The following ATXN1 variants were observed in gnomAD, a reference collection of about 807,000 sequenced individuals.
ATXN1 encodes the protein ataxin-1.
ATXN1 carries 8 observed loss-of-function variants against 56.4 expected under a neutral mutation model. The observed-to-expected ratio is 0.14, with a 90% CI of 0.08 to 0.26. The LOEUF (loss-of-function observed/expected upper bound fraction) is 0.26, where lower values mean the gene tolerates loss of function less well. Among genes scored for constraint, ATXN1 ranks in the 10% least tolerant of loss-of-function variants. The probability of loss-of-function intolerance (pLI) is 1.00; values close to 1 mark genes in which losing one functional copy is unlikely to be tolerated. For synonymous variants in ATXN1, 514 were observed against 494.6 expected (o/e 1.04, Z -0.52); for missense variants, 987 against 1,106.5 (o/e 0.89, Z 1.53).
In ATXN1 at chr6:16,326,321, T is replaced by C. The variant is rs1447655905; in HGVS notation, c.1917+73A>G. ...CCTTAATCCTGCCTCATAGAAGCAA[T>C]TCGTCTTGCCAGGAGATGATGATGG... On this transcript the variant is annotated intron_variant, in intron 7 of 7. Coordinates refer to ENST00000436367, the MANE Select transcript of ATXN1 (RefSeq NM_001128164.2). The surrounding 1 kb of genome is among the most constrained non-coding windows in gnomAD (Gnocchi z 6.6). 10 of 1,578,142 alleles carry C rather than the reference T, an allele frequency of 6.3e-6. No individual in the cohort carries two copies. Among genetic ancestry groups the C allele is most frequent in the Non-Finnish European group, 6.9e-6 (8 of 1,163,144 alleles).
intron 6 of ATXN1, among the ~76,000 whole-genome samples, chr6:16,348,480 T>C (rs1427294115): frequency 6.6e-6 from 1 of 151,934 alleles, no homozygotes; most frequent in Non-Finnish European, 1.5e-5. Flanking sequence ...GGGCAGATCA[T>C]GTGAGATCCA....
intron 5 of ATXN1, among the ~76,000 whole-genome samples, chr6:16,493,252 G>A (rs1413657717): frequency 6.6e-6 from 1 of 152,074 alleles, no homozygotes; most frequent in Admixed American, 6.6e-5. Flanking sequence ...GCCCCAGCAT[G>A]CTTTTCCAAC....
At chr6:16,508,490 C>T (rs1761021290) in intron 5 of ATXN1, among the ~76,000 whole-genome samples, 1 of 152,068 alleles carries the variant, frequency 6.6e-6, no homozygotes, top group South Asian at 2.1e-4. Context: ...TGGTATAATG[C>T]AGGCCCAGAC....
chr6:16,645,472 G>A (rs1934287107), intron 3 of ATXN1, among the ~76,000 whole-genome samples: 1 of 152,190 alleles, frequency 6.6e-6, no homozygotes, highest in African/African-American at 2.4e-5. Flanking sequence ...TAGCAACGTG[G>A]ACTTAAACCA....
At chr6:16,366,649 C>T (rs1430645991) in intron 6 of ATXN1, among the ~76,000 whole-genome samples, 2 of 151,664 alleles carry the variant, frequency 1.3e-5, no homozygotes, top group African/African-American at 2.4e-5. Flanking sequence ...GGCATGATGG[C>T]GGGCACCTGT....
chr6:16,465,820 GT>G (rs1398269854), intron 6 of ATXN1, among the ~76,000 whole-genome samples: 1 of 152,160 alleles, frequency 6.6e-6, no homozygotes, highest in Non-Finnish European at 1.5e-5. Flanking sequence ...TCAAAATGAT[GT>G]ACCAAGAGGT....
intron 6 of ATXN1, among the ~76,000 whole-genome samples, chr6:16,438,351 T>C (rs1370999592): frequency 6.6e-6 from 1 of 152,232 alleles, no homozygotes; most frequent in East Asian, 1.9e-4. Context: ...CTCTGTTGAC[T>C]TTTTAGCAGA....
chr6:16,753,487 G>C, intron 1 of ATXN1, 140 bp from the exon 2 acceptor site: 1 of 398,576 alleles, frequency 2.5e-6, no homozygotes, highest in Non-Finnish European at 5.1e-6. Context: ...TCTGTTGTAT[G>C]AGAATTACAC....
At chr6:16,429,466 G>A (rs1759233484) in intron 6 of ATXN1, among the ~76,000 whole-genome samples, 1 of 138,564 alleles carries the variant, frequency 7.2e-6, no homozygotes, top group South Asian at 2.3e-4. Flanking sequence ...CCTCCAGGCT[G>A]GAGTGCAGTG....
chr6:16,488,592 A>G (rs1760596654), intron 5 of ATXN1, among the ~76,000 whole-genome samples: 1 of 152,148 alleles, frequency 6.6e-6, no homozygotes. Flanking sequence ...ATCTGGCTCA[A>G]CTTAATTCTT....
At chr6:16,746,578 T>G (rs1760543558) in intron 2 of ATXN1, among the ~76,000 whole-genome samples, 1 of 152,210 alleles carries the variant, frequency 6.6e-6, no homozygotes, top group Admixed American at 6.5e-5. Flanking sequence ...AAAGATTCTT[T>G]CCAGTTATAC....
chr6:16,442,292 C>G (rs1463462392), intron 6 of ATXN1, among the ~76,000 whole-genome samples: 2 of 152,120 alleles, frequency 1.3e-5, no homozygotes, highest in Non-Finnish European at 2.9e-5. Context: ...CGCAGAAACC[C>G]TTAGTAATCT....
intron 5 of ATXN1, among the ~76,000 whole-genome samples, chr6:16,488,798 T>C (rs1760600608): frequency 6.6e-6 from 1 of 152,188 alleles, no homozygotes; most frequent in African/African-American, 2.4e-5. Context: ...AAGCTTCTTA[T>C]ACAAACAAAA....
chr6:16,649,370 GT>G (rs1763855524), intron 3 of ATXN1, among the ~76,000 whole-genome samples: 1 of 152,014 alleles, frequency 6.6e-6, no homozygotes, highest in Non-Finnish European at 1.5e-5. Context: ...ATGTTACCCA[GT>G]CTTTTTAAAT....
intron 4 of ATXN1, among the ~76,000 whole-genome samples, chr6:16,524,101 G>A (rs1018418692): frequency 7.2e-5 from 11 of 152,162 alleles, no homozygotes; most frequent in African/African-American, 2.2e-4. Context: ...GGACGTGGAC[G>A]GCATGTGGCC....
intron 3 of ATXN1, among the ~76,000 whole-genome samples, chr6:16,617,784 A>G (rs1033939773): frequency 6.6e-5 from 10 of 151,636 alleles, no homozygotes; most frequent in Middle Eastern, 3.4e-3. Flanking sequence ...AAAAAAAAAG[A>G]AATATACTCA....
At chr6:16,581,765 A>C (rs1388824853) in intron 4 of ATXN1, among the ~76,000 whole-genome samples, 1 of 152,202 alleles carries the variant, frequency 6.6e-6, no homozygotes, top group African/African-American at 2.4e-5. Flanking sequence ...GTAAAGTAAG[A>C]AAAAGGATAT....
At chr6:16,433,816 C>T (rs9464905) in intron 6 of ATXN1, among the ~76,000 whole-genome samples, 26 of 152,220 alleles carry the variant, frequency 1.7e-4, no homozygotes, top group African/African-American at 5.8e-4. Flanking sequence ...AGCAGCTCCG[C>T]CCAGGAGTTC....
Position 16,327,502 on chromosome 6 carries a change from A to G in ATXN1, c.809T>C (p.Leu270Pro). 1 of 1,611,108 alleles carries G rather than the reference A, an allele frequency of 6.2e-7. No individual in the cohort carries two copies. Among genetic ancestry groups the G allele is most frequent in the Non-Finnish European group, 8.5e-7 (1 of 1,179,390 alleles). ...TASPPAIPVHLHPHQTMIPHT... is the reference protein window; with the variant it reads ...TASPPAIPVHPHPHQTMIPHT... ...TGGGATCATCGTCTGGTGGGGGTGG[A>G]GGTGGACGGGGATGGCCGGAGGAGA... Residue 270 changes from leucine to proline, a missense_variant, in exon 7 of 8, where the codon CTC (leucine) becomes CCC (proline). This residue lies in a region of ATXN1 where 723 missense variants were observed against 791.7 expected (regional missense o/e 0.91). Coordinates refer to ENST00000436367, the MANE Select transcript of ATXN1 (RefSeq NM_001128164.2).
Sources: gnomAD v4.1 joint callset for allele counts (sites outside exome capture counted in the v4.1 genomes callset) on GRCh38, gnomAD v4.1.1 for gene constraint, gnomAD v4.1.1 regional missense constraint, Gnocchi (gnomAD v3.1) non-coding constraint, MANE v1.5 for transcripts, NCBI Gene and HGNC (gene_info 2026-07-23, HGNC 2026-07-21) for gene names.